Variants in FILIP1L observed in about 807,000 individuals in gnomAD.
FILIP1L encodes filamin A-interacting protein 1-like.
In FILIP1L, 55 loss-of-function variants were observed where a neutral mutation model predicts 96.6. That is an observed-to-expected ratio of 0.57 (90% CI 0.46 to 0.71). The LOEUF is 0.71. FILIP1L is among the 30% of genes least tolerant of loss of function. FILIP1L has a pLI of 0.00. For missense variants in FILIP1L, 1,304 were observed against 1,321.2 expected (o/e 0.99, Z 0.20); for synonymous variants, 467 against 473.9 (o/e 0.99, Z 0.19).
chr3:100,076,978 T>C (rs2065859971), intron 1 of FILIP1L, among the ~76,000 whole-genome samples: 1 of 152,214 alleles, frequency 6.6e-6, no homozygotes. Context: ...CCCTTTACTG[T>C]TCCACATAAG....
At chr3:100,005,897 C>G (rs576210287) in intron 1 of FILIP1L, among the ~76,000 whole-genome samples, 29 of 152,146 alleles carry the variant, frequency 1.9e-4, no homozygotes, top group Admixed American at 1.0e-3. Flanking sequence ...TGCTTGCTAC[C>G]CACCATCTCT....
chr3:100,078,548 G>A (rs1466206940), intron 1 of FILIP1L, among the ~76,000 whole-genome samples: 1 of 151,920 alleles, frequency 6.6e-6, no homozygotes, highest in Non-Finnish European at 1.5e-5. Context: ...ATTGTCTTGG[G>A]CCACACGTAA....
At chr3:99,958,236 T>C (rs1198422261) in intron 1 of FILIP1L, among the ~76,000 whole-genome samples, 1 of 146,888 alleles carries the variant, frequency 6.8e-6, no homozygotes, top group African/African-American at 2.5e-5. Context: ...TTATTATTAT[T>C]ATTATTATTA....
At chr3:99,867,236 G>A (rs1944563570) in intron 4 of FILIP1L, among the ~76,000 whole-genome samples, 2 of 152,100 alleles carry the variant, frequency 1.3e-5, no homozygotes, top group African/African-American at 4.8e-5. Context: ...TCCCTGAGCA[G>A]GAGTTTCACC....
At chr3:100,076,354 A>C (rs2065850514) in intron 1 of FILIP1L, among the ~76,000 whole-genome samples, 1 of 152,214 alleles carries the variant, frequency 6.6e-6, no homozygotes, top group Non-Finnish European at 1.5e-5. Context: ...CCAGGTGCTT[A>C]CACTTTTGGA....
intron 1 of FILIP1L, among the ~76,000 whole-genome samples, chr3:100,007,136 A>G (rs1247020559): frequency 3.9e-5 from 6 of 152,086 alleles, no homozygotes; most frequent in African/African-American, 1.4e-4. Flanking sequence ...CTATTGGTAA[A>G]TGTTTGAAAT....
chr3:99,925,951 T>C, intron 3 of FILIP1L: 1 of 898,962 alleles, frequency 1.1e-6, no homozygotes, highest in Non-Finnish European at 1.3e-6. Context: ...TAACTCGGGA[T>C]CTTTTGCTAG....
intron 1 of FILIP1L, among the ~76,000 whole-genome samples, chr3:99,972,616 C>T (rs1273367830): frequency 2.6e-5 from 4 of 152,126 alleles, no homozygotes; most frequent in Admixed American, 1.3e-4. Context: ...TGGGCTGTCG[C>T]GAGAGCTTTC....
chr3:99,962,555 A>G (rs1323520273), intron 1 of FILIP1L, among the ~76,000 whole-genome samples: 1 of 152,200 alleles, frequency 6.6e-6, no homozygotes, highest in South Asian at 2.1e-4. Context: ...AGGAAGAGAT[A>G]ATATTGTTTT....
At chr3:99,959,285 G>T (rs1200730767) in intron 1 of FILIP1L, among the ~76,000 whole-genome samples, 1 of 152,138 alleles carries the variant, frequency 6.6e-6, no homozygotes, top group Non-Finnish European at 1.5e-5. Flanking sequence ...GAGTAGTTGG[G>T]ATTACAGATG....
chr3:99,982,648 C>T (rs1709161812), intron 1 of FILIP1L, among the ~76,000 whole-genome samples: 1 of 152,086 alleles, frequency 6.6e-6, no homozygotes, highest in South Asian at 2.1e-4. Flanking sequence ...CTGGCCCATT[C>T]AGCTAACTTT....
At chr3:100,071,345 T>C (rs1415934177) in intron 1 of FILIP1L, among the ~76,000 whole-genome samples, 1 of 152,168 alleles carries the variant, frequency 6.6e-6, no homozygotes, top group East Asian at 1.9e-4. Context: ...TGACCTCCTG[T>C]TCTATGGGGA....
At chr3:99,918,792 A>C (rs1402667319) in intron 4 of FILIP1L, among the ~76,000 whole-genome samples, 1 of 152,248 alleles carries the variant, frequency 6.6e-6, no homozygotes, top group African/African-American at 2.4e-5. Flanking sequence ...AATTCTGTAT[A>C]GAATTACAAT....
chr3:100,094,232 G>T (rs2107441677), intron 1 of FILIP1L, among the ~76,000 whole-genome samples: 1 of 152,254 alleles, frequency 6.6e-6, no homozygotes, highest in East Asian at 1.9e-4. Context: ...CCATTTGAAT[G>T]AAATGCTGGC....
At chr3:100,068,198 G>A (rs2065698964) in intron 1 of FILIP1L, among the ~76,000 whole-genome samples, 1 of 152,186 alleles carries the variant, frequency 6.6e-6, no homozygotes, top group Non-Finnish European at 1.5e-5. Flanking sequence ...TTTTTTAATG[G>A]TGATTCCTGG....
At chr3:100,054,593 T>A (rs1319709798) in intron 1 of FILIP1L, among the ~76,000 whole-genome samples, 1 of 152,116 alleles carries the variant, frequency 6.6e-6, no homozygotes, top group African/African-American at 2.4e-5. Flanking sequence ...AACTATCCAC[T>A]CCTGGCCCAG....
chr3:99,873,556 A>AG (rs1228338209), intron 4 of FILIP1L, among the ~76,000 whole-genome samples: 2 of 152,188 alleles, frequency 1.3e-5, no homozygotes, highest in Admixed American at 6.5e-5. Flanking sequence ...CTGAAGCACT[A>AG]GACATGGACA....
At chr3:100,062,970 A>G (rs2065599852) in intron 1 of FILIP1L, among the ~76,000 whole-genome samples, 2 of 152,234 alleles carry the variant, frequency 1.3e-5, no homozygotes, top group African/African-American at 2.4e-5. Flanking sequence ...CGAAAGGAGG[A>G]TAGAAATAGA....
At chr3:100,029,546 T>C (rs193018316) in intron 1 of FILIP1L, among the ~76,000 whole-genome samples, 44 of 152,304 alleles carry the variant, frequency 2.9e-4, no homozygotes, top group African/African-American at 1.1e-3. Context: ...TGTGCATTAA[T>C]TGGAGTTTAT....
Sources: gnomAD v4.1 joint callset for allele counts (sites outside exome capture counted in the v4.1 genomes callset) on GRCh38, gnomAD v4.1.1 for gene constraint, MANE v1.5 for transcripts, NCBI Gene and HGNC (gene_info 2026-07-23, HGNC 2026-07-21) for gene names.